The following CSTF3 variants were observed in gnomAD, a reference collection of about 807,000 sequenced individuals.
CSTF3 encodes CF-1 77 kDa subunit.
In CSTF3, 29 loss-of-function variants were observed where a neutral mutation model predicts 105.8. The ratio of observed to expected loss-of-function variants is 0.27; its 90% CI spans 0.20 to 0.37. The LOEUF is 0.37. Ranked by LOEUF, CSTF3 falls within the 10% of genes least tolerant of loss-of-function variation. The pLI, the probability that CSTF3 is intolerant of heterozygous loss-of-function variation, is 1.00. For missense variants in CSTF3, 357 were observed against 879.3 expected (o/e 0.41, Z 7.51); for synonymous variants, 252 against 281.9 (o/e 0.89, Z 1.06).
At chr11:33,132,457 G>A (rs1267599285) in intron 3 of CSTF3, among the ~76,000 whole-genome samples, 1 of 152,090 alleles carries the variant, frequency 6.6e-6, no homozygotes, top group Non-Finnish European at 1.5e-5. Context: ...AAACTCGTGG[G>A]GCTCAGGCAA....
At chr11:33,094,914 T>C (rs917640885) in intron 15 of CSTF3, among the ~76,000 whole-genome samples, 2 of 152,116 alleles carry the variant, frequency 1.3e-5, no homozygotes, top group Non-Finnish European at 2.9e-5. Context: ...TATTATTTTT[T>C]TGAGGCAGAG....
At chr11:33,122,914 C>CAAAAAAAAAAAA (rs10600978) in intron 3 of CSTF3, among the ~76,000 whole-genome samples, 118 of 83,502 alleles carry the variant, frequency 1.4e-3, no homozygotes, top group Non-Finnish European at 1.6e-3. Flanking sequence ...TATCCTGTCT[C>CAAAAAAAAAAAA]AAAAAAAAAA....
At chr11:33,144,084 A>G (rs1855748772) in intron 1 of CSTF3, among the ~76,000 whole-genome samples, 1 of 152,166 alleles carries the variant, frequency 6.6e-6, no homozygotes, top group South Asian at 2.1e-4. Flanking sequence ...ATCCGAGCAT[A>G]AAGAGGGAAG....
rs1855224555 is a variant in CSTF3, at chr11:33,096,504, T to C, written c.1273-96A>G. The C allele has an allele frequency of 3.9e-6, 3 of 774,244 alleles. No homozygotes were observed. The Admixed American group carries it at 8.8e-5, about 23-fold the overall frequency. The allele number at this position is 774,244 out of a possible 1,614,324, so 48.0% of individuals were successfully genotyped here. On this transcript the variant is annotated intron_variant, in intron 14 of 20. Coordinates refer to ENST00000323959, the MANE Select transcript of CSTF3 (RefSeq NM_001326.3). The stretch of plus-strand genomic sequence containing the variant: ...AATTATACCTACATATGACAAAATA[T>C]GTAAGAATTAAAACAAATTAAAATC...
chr11:33,108,013 G>T lies in CSTF3; in HGVS notation c.259-13C>A, dbSNP rs1211741555. The T allele has an allele frequency of 4.0e-6, 6 of 1,494,050 alleles. No individual in the cohort carries two copies. Among genetic ancestry groups the T allele is most frequent in the Non-Finnish European group, 5.5e-6 (6 of 1,085,694 alleles). The allele number at this position is 1,494,050 out of a possible 1,614,324, so 92.5% of individuals were successfully genotyped here. A position where few individuals can be genotyped will look rare whatever the true frequency, so the allele number is the denominator to read the frequency against. On this transcript the variant is annotated splice_polypyrimidine_tract_variant and intron_variant, in intron 4 of 20. Transcript: ENST00000323959. The stretch of plus-strand genomic sequence containing the variant: ...ATCTCTGAAATAGCTTTAAATACAA[G>T]AATATATTATCAGAATCCAGTTAAA...
At chr11:33,156,086 T>C (rs777919913) in intron 1 of CSTF3, among the ~76,000 whole-genome samples, 17 of 152,184 alleles carry the variant, frequency 1.1e-4, no homozygotes, top group Non-Finnish European at 1.8e-4. Flanking sequence ...CAACTTCTCT[T>C]AGGAACAACT....
In CSTF3 at chr11:33,090,599, AC is replaced by A; in HGVS notation, c.1573del (p.Val525Ter). 1 of 1,611,042 alleles carries A rather than the reference AC, an allele frequency of 6.2e-7. No homozygotes were observed. Among genetic ancestry groups the A allele is most frequent in the Non-Finnish European group, 8.5e-7 (1 of 1,179,112 alleles). On this transcript the variant is annotated frameshift_variant, in exon 17 of 21. Coordinates refer to ENST00000323959, the MANE Select transcript of CSTF3 (RefSeq NM_001326.3). LOFTEE classifies it high-confidence loss of function. ...EYEGKETALL[V>X]DRYKFMDLYP... Reference sequence around the variant, plus strand: ...TAAATCCATGAACTTGTATCTATCTACTAGTAAAGCCGTTTCTTTCCCTTCA... The same window carrying A: ...TAAATCCATGAACTTGTATCTATCTATAGTAAAGCCGTTTCTTTCCCTTCA...
At chr11:33,109,304 A>G (rs1232934265) in intron 3 of CSTF3, among the ~76,000 whole-genome samples, 1 of 152,170 alleles carries the variant, frequency 6.6e-6, no homozygotes, top group Non-Finnish European at 1.5e-5. Flanking sequence ...TGATTAGAGA[A>G]GTTTTGGTCC....
At chr11:33,113,745 G>A (rs574798935) in intron 3 of CSTF3, among the ~76,000 whole-genome samples, 2 of 151,976 alleles carry the variant, frequency 1.3e-5, no homozygotes, top group South Asian at 4.2e-4. Context: ...TAACCTTTAA[G>A]TTTAATTACA....
chr11:33,097,483 C>T (rs1269910031), intron 13 of CSTF3, among the ~76,000 whole-genome samples: 1 of 152,132 alleles, frequency 6.6e-6, no homozygotes, highest in African/African-American at 2.4e-5. Context: ...CATTCTCCTG[C>T]CTCAGGCTCC....
At chr11:33,127,780 A>G (rs1053146863) in intron 3 of CSTF3, among the ~76,000 whole-genome samples, 2 of 152,210 alleles carry the variant, frequency 1.3e-5, no homozygotes, top group African/African-American at 4.8e-5. Flanking sequence ...GTATTCCAAA[A>G]GTATCCAGAA....
chr11:33,154,347 A>C (rs903895208), intron 1 of CSTF3, among the ~76,000 whole-genome samples: 6 of 152,234 alleles, frequency 3.9e-5, no homozygotes. Flanking sequence ...ATAAGGTGGC[A>C]ACAAACCTGT....
At chr11:33,140,434 A>G (rs1019695998) in intron 3 of CSTF3, among the ~76,000 whole-genome samples, 1 of 151,936 alleles carries the variant, frequency 6.6e-6, no homozygotes, top group Non-Finnish European at 1.5e-5. Context: ...CACATACACA[A>G]CCACACACAC....
intron 3 of CSTF3, among the ~76,000 whole-genome samples, chr11:33,132,694 T>G (rs1855611799): frequency 1.3e-5 from 2 of 152,206 alleles, no homozygotes; most frequent in African/African-American, 4.8e-5. Context: ...TAATAGAAAC[T>G]ATTTCCTTTA....
chr11:33,115,230 T>C (rs995581345), intron 3 of CSTF3, among the ~76,000 whole-genome samples: 1 of 152,190 alleles, frequency 6.6e-6, no homozygotes, highest in African/African-American at 2.4e-5. Flanking sequence ...TCTACTTGTA[T>C]TAATTATCCA....
At chr11:33,134,231 A>T (rs1420817266) in intron 3 of CSTF3, among the ~76,000 whole-genome samples, 1 of 152,238 alleles carries the variant, frequency 6.6e-6, no homozygotes, top group Non-Finnish European at 1.5e-5. Flanking sequence ...AAATTGCTTA[A>T]ATAACTGTCA....
chr11:33,086,085 G>T, intron 18 of CSTF3, 96 bp from the exon 19 acceptor site: 2 of 797,612 alleles, frequency 2.5e-6, no homozygotes, highest in Non-Finnish European at 3.7e-6. Flanking sequence ...TTCCATGTCT[G>T]CTGCTTTGTT....
At chr11:33,100,175 T>G (rs1399725117) in intron 10 of CSTF3, among the ~76,000 whole-genome samples, 1 of 151,910 alleles carries the variant, frequency 6.6e-6, no homozygotes, top group Admixed American at 6.6e-5. Flanking sequence ...GCTAACATGG[T>G]GAAACCCTGT....
chr11:33,114,177 C>A (rs561913932), intron 3 of CSTF3, among the ~76,000 whole-genome samples: 10 of 152,192 alleles, frequency 6.6e-5, no homozygotes, highest in Admixed American at 6.5e-5. Flanking sequence ...GGTCTAATGA[C>A]CCTTTGACTA....
Sources: allele counts gnomAD v4.1 joint callset (sites outside exome capture counted in the v4.1 genomes callset), GRCh38; gene constraint gnomAD v4.1.1; transcripts MANE v1.5; gene names NCBI Gene and HGNC (gene_info 2026-07-23, HGNC 2026-07-21).